The following NTM variants were observed in gnomAD, a reference collection of about 807,000 sequenced individuals.
NTM encodes the protein neurotrimin, also known as IgLON family member 2.
NTM carries 13 observed loss-of-function variants against 42.1 expected under a neutral mutation model. The ratio of observed to expected loss-of-function variants is 0.31; its 90% CI spans 0.20 to 0.49. The LOEUF is 0.49. NTM is among the 20% of genes least tolerant of loss of function. NTM has a pLI of 0.99. For synonymous variants in NTM, 187 were observed against 179.2 expected (o/e 1.04, Z -0.35); for missense variants, 373 against 452.8 (o/e 0.82, Z 1.60).
In NTM at chr11:131,466,103, C is replaced by T. The variant is rs117637384; in HGVS notation, c.82+95215C>T. 4.6e-5 allele frequency among the ~76,000 whole-genome samples: 7 copies of T among 152,280 alleles called. No individual in the cohort carries two copies. In the East Asian group the frequency reaches 9.6e-4, roughly 21 times the overall value. On this transcript the variant is annotated intron_variant, in intron 1 of 8. Transcript: ENST00000683400. Reference sequence around the variant, plus strand: ...GAGAAGAGCAGCATGTGAGCAGGTGCGTGATCTATTCTGGATCCTCTCAGA... The same window carrying T: ...GAGAAGAGCAGCATGTGAGCAGGTGTGTGATCTATTCTGGATCCTCTCAGA...
At chr11:131,668,387 T>C (rs576075345) in intron 1 of NTM, among the ~76,000 whole-genome samples, 2 of 148,420 alleles carry the variant, frequency 1.3e-5, no homozygotes, top group Non-Finnish European at 3.0e-5. Flanking sequence ...GTGGAGATTT[T>C]AAAAAAAAAA....
chr11:132,020,339 A>C (rs2074141399), intron 2 of NTM, among the ~76,000 whole-genome samples: 1 of 151,946 alleles, frequency 6.6e-6, no homozygotes, highest in Non-Finnish European at 1.5e-5. Flanking sequence ...ACTGGTACTT[A>C]TTTTTATGAC....
intron 2 of NTM, among the ~76,000 whole-genome samples, chr11:132,026,519 G>A (rs1940585): frequency 0.34 from 51,825 of 151,932 alleles, 9,948 homozygotes; most frequent in East Asian, 0.82. Context: ...TTCATCAGAG[G>A]TATTTTTTTT....
At chr11:132,190,336 T>C (rs1006419978) in intron 3 of NTM, among the ~76,000 whole-genome samples, 8 of 151,984 alleles carry the variant, frequency 5.3e-5, no homozygotes, top group African/African-American at 1.9e-4. Context: ...AAATTTGAAA[T>C]GAGAACTAAA....
At chr11:132,223,413 A>G (rs971592707) in intron 4 of NTM, among the ~76,000 whole-genome samples, 2 of 152,186 alleles carry the variant, frequency 1.3e-5, no homozygotes, top group African/African-American at 4.8e-5. Context: ...AAGATACCTC[A>G]TAAAAGGCGG....
At chr11:131,892,171 T>C (rs529036811) in intron 1 of NTM, among the ~76,000 whole-genome samples, 1 of 152,162 alleles carries the variant, frequency 6.6e-6, no homozygotes, top group Middle Eastern at 3.4e-3. Context: ...TCCTCCTCCT[T>C]CTCCTCCGCC....
intron 1 of NTM, among the ~76,000 whole-genome samples, chr11:131,619,981 T>A (rs1414495401): frequency 2.6e-5 from 4 of 152,046 alleles, no homozygotes; most frequent in Non-Finnish European, 4.4e-5. Context: ...ATTTTTGTAT[T>A]TTTAGTAGAG....
chr11:132,273,937 A>T (rs983917953), intron 4 of NTM, among the ~76,000 whole-genome samples: 1 of 152,056 alleles, frequency 6.6e-6, no homozygotes, highest in African/African-American at 2.4e-5. Context: ...ACAACAAAAA[A>T]CACAACTTCT....
chr11:131,600,386 A>G (rs139112099), intron 1 of NTM, among the ~76,000 whole-genome samples: 5 of 152,294 alleles, frequency 3.3e-5, no homozygotes, highest in East Asian at 1.9e-4. Context: ...TGATTAAAAT[A>G]TATATTATTG....
At chr11:131,587,276 A>G (rs750082672) in intron 1 of NTM, among the ~76,000 whole-genome samples, 4 of 152,120 alleles carry the variant, frequency 2.6e-5, no homozygotes, top group Non-Finnish European at 5.9e-5. Context: ...GTGAAACCCC[A>G]TCTCTACTGA....
chr11:131,681,328 CGT>C (rs774129594), intron 1 of NTM, among the ~76,000 whole-genome samples: 1 of 4,430 alleles, frequency 2.3e-4, no homozygotes, highest in African/African-American at 5.5e-4. Context: ...TGTGTGTGAG[CGT>C]GTGTGTTTCT....
chr11:132,335,444 C>T lies in NTM; in HGVS notation c.*298C>T. ...CCCACTGCAAGCTGCATCGTGCAAC[C>T]TCTTTGGTGCCAGTGTGGGCAAGGG... On this transcript the variant is annotated 3_prime_UTR_variant, in exon 9 of 9. Coordinates refer to ENST00000683400, the MANE Select transcript of NTM (RefSeq NM_001352005.2). The T allele has an allele frequency of 3.0e-6, 1 of 338,970 alleles. No individual in the cohort carries two copies. Among genetic ancestry groups the T allele is most frequent in the East Asian group, 7.7e-5 (1 of 12,984 alleles). The allele number at this position is 338,970 out of a possible 1,614,324, so 21.0% of individuals were successfully genotyped here. A position where few individuals can be genotyped will look rare whatever the true frequency, so the allele number is the denominator to read the frequency against.
chr11:131,715,869 C>T (rs1260789368), intron 1 of NTM, among the ~76,000 whole-genome samples: 2 of 152,182 alleles, frequency 1.3e-5, no homozygotes, highest in Non-Finnish European at 2.9e-5. Flanking sequence ...CCACAGTATG[C>T]ATATATCATG....
At chr11:131,989,903 T>G (rs2135088715) in intron 2 of NTM, among the ~76,000 whole-genome samples, 1 of 152,272 alleles carries the variant, frequency 6.6e-6, no homozygotes, top group Non-Finnish European at 1.5e-5. Flanking sequence ...CTATTCCTTT[T>G]TCATTGGCTC....
At chr11:131,590,916 A>G (rs1220370312) in intron 1 of NTM, among the ~76,000 whole-genome samples, 1 of 152,192 alleles carries the variant, frequency 6.6e-6, no homozygotes, top group African/African-American at 2.4e-5. Flanking sequence ...ATACCCAGTC[A>G]TCATTTGGGC....
intron 4 of NTM, among the ~76,000 whole-genome samples, chr11:132,254,644 C>G (rs1271431699): frequency 1.3e-5 from 2 of 152,056 alleles, no homozygotes; most frequent in Non-Finnish European, 2.9e-5. Context: ...TCTCTCTCTC[C>G]CACTTCTATA....
At chr11:131,605,919 C>G in intron 1 of NTM, 5 of 973,720 alleles carry the variant, frequency 5.1e-6, no homozygotes, top group Non-Finnish European at 6.1e-6. Flanking sequence ...TGTGCTTTCT[C>G]TTTTATGTTA....
intron 3 of NTM, among the ~76,000 whole-genome samples, chr11:132,197,122 C>T (rs3099807): frequency 0.67 from 102,235 of 151,954 alleles, 34,674 homozygotes; most frequent in Middle Eastern, 0.78. Flanking sequence ...ATGAAATAGA[C>T]CATGTCAGCA....
At chr11:131,603,986 G>A (rs1485114654) in intron 1 of NTM, among the ~76,000 whole-genome samples, 1 of 152,068 alleles carries the variant, frequency 6.6e-6, no homozygotes, top group Admixed American at 6.6e-5. Flanking sequence ...AAATAATGCT[G>A]CTTTGAACAT....
Sources: allele counts gnomAD v4.1 joint callset (sites outside exome capture counted in the v4.1 genomes callset), GRCh38; gene constraint gnomAD v4.1.1; transcripts MANE v1.5; gene names NCBI Gene and HGNC (gene_info 2026-07-23, HGNC 2026-07-21).